TPRG1: variants seen among roughly 807,000 people sequenced by gnomAD.
TPRG1 encodes tumor protein p63-regulated gene 1 protein.
In TPRG1, 29 loss-of-function variants were observed where a neutral mutation model predicts 29.3. The observed-to-expected ratio is 0.99, with a 90% confidence interval of 0.74 to 1.35. The LOEUF (loss-of-function observed/expected upper bound fraction) is 1.35, where lower values mean the gene tolerates loss of function less well. TPRG1 is among the 40% of genes most tolerant of loss of function. The pLI is 0.00. For synonymous variants in TPRG1, 130 were observed against 116.8 expected (o/e 1.11, Z -0.73); for missense variants, 327 against 335.0 (o/e 0.98, Z 0.19).
At chr3:189,195,655 C>T (rs1198764651) in intron 1 of TPRG1, among the ~76,000 whole-genome samples, 2 of 152,200 alleles carry the variant, frequency 1.3e-5, no homozygotes, top group African/African-American at 4.8e-5. Context: ...CCAGTCAGCT[C>T]CCACAGCTGG....
Position 189,102,656 on chromosome 3 carries a change from A to T in TPRG1, c.-744+2452A>T, listed in dbSNP as rs559609552. On this transcript the variant is annotated intron_variant, in intron 1 of 6. Coordinates refer to the TPRG1 transcript ENST00000412373. ...TTTTTATAGCTTTAAGAGATAATTA[A>T]TTTTTTTAAAAAAGAAGGAATCAGA... 2.9e-4 allele frequency among the ~76,000 whole-genome samples: 44 copies of T among 152,256 alleles called. 1 individual carries two copies. The South Asian group carries it at 8.5e-3, about 29-fold the overall frequency.
At chr3:189,131,508 A>G (rs185462089) in intron 2 of TPRG1, among the ~76,000 whole-genome samples, 123 of 152,312 alleles carry the variant, frequency 8.1e-4, no homozygotes, top group African/African-American at 2.7e-3. Flanking sequence ...CATAATAATA[A>G]TTCTTCTCAC....
intron 4 of TPRG1, among the ~76,000 whole-genome samples, chr3:189,078,089 CTCTCTT>C (rs1293911524): frequency 9.0e-6 from 1 of 111,216 alleles, no homozygotes; most frequent in East Asian, 2.9e-4. Flanking sequence ...TTCTCTCTTT[CTCTCTT>C]TCTTTCTTTC....
chr3:189,272,682 C>CCTTTCTTTCTTTCTTTCTCTTT (rs58830987), intron 4 of TPRG1, among the ~76,000 whole-genome samples: 1 of 140,120 alleles, frequency 7.1e-6, no homozygotes, highest in Non-Finnish European at 1.5e-5. Flanking sequence ...TCCTTTCTTT[C>CCTTTCTTTCTTTCTTTCTCTTT]CTTTCTTTCT....
chr3:189,163,458 G>A (rs745788523), intron 5 of TPRG1, among the ~76,000 whole-genome samples: 11 of 152,062 alleles, frequency 7.2e-5, no homozygotes, highest in Non-Finnish European at 4.4e-5. Context: ...ACTCTGACAC[G>A]GGCCAGCTAA....
At chr3:189,192,560 G>A (rs970860858) in intron 1 of TPRG1, among the ~76,000 whole-genome samples, 1 of 152,106 alleles carries the variant, frequency 6.6e-6, no homozygotes, top group African/African-American at 2.4e-5. Flanking sequence ...GAATTAGAAG[G>A]TCTTTATAAT....
intron 4 of TPRG1, among the ~76,000 whole-genome samples, chr3:189,272,740 C>CTTCCTTCCTTCCTTCG (rs1715438386): frequency 7.1e-6 from 1 of 139,976 alleles, no homozygotes; most frequent in East Asian, 2.0e-4. Context: ...TCCTTCCTTC[C>CTTCCTTCCTTCCTTCG]TTCCTTCCTT....
intron 4 of TPRG1, among the ~76,000 whole-genome samples, chr3:189,265,764 G>T (rs761761678): frequency 6.6e-6 from 1 of 152,118 alleles, no homozygotes; most frequent in African/African-American, 2.4e-5. Flanking sequence ...AGCCACCATC[G>T]TGAACTGTGG....
At chr3:189,021,542 G>T (rs1212263405) in intron 3 of TPRG1, among the ~76,000 whole-genome samples, 1 of 152,098 alleles carries the variant, frequency 6.6e-6, no homozygotes, top group Non-Finnish European at 1.5e-5. Flanking sequence ...TTTTCTTTAA[G>T]AATGTTGAAT....
In TPRG1 at chr3:189,238,854, G is replaced by T; in HGVS notation, c.424G>T (p.Ala142Ser). ...CVQLQRIPLS[A>S]VYRICLGKFT... ...GCAGCTGCAGCGGATTCCTCTGAGC[G>T]CTGTCTATCGCATCTGCCTGGGCAA... is the stretch of plus-strand genomic sequence containing the variant. Residue 142 changes from alanine to serine, a missense_variant, in exon 4 of 6, where the codon GCT becomes TCT. Coordinates refer to ENST00000345063, the MANE Select transcript of TPRG1 (RefSeq NM_198485.4). The T allele has an allele frequency of 1.9e-6, 3 of 1,613,560 alleles. No individual in the cohort carries two copies. The highest frequency in any genetic ancestry group is 2.2e-5 in the East Asian group (1 of 44,872).
At chr3:189,276,887 T>G (rs1716244478) in intron 4 of TPRG1, among the ~76,000 whole-genome samples, 1 of 152,156 alleles carries the variant, frequency 6.6e-6, no homozygotes, top group Non-Finnish European at 1.5e-5. Flanking sequence ...CTTTCTTTTT[T>G]TTTTAGTTAG....
At chr3:189,149,133 T>C (rs1166955050) in intron 4 of TPRG1, among the ~76,000 whole-genome samples, 6 of 152,186 alleles carry the variant, frequency 3.9e-5, no homozygotes, top group African/African-American at 9.7e-5. Flanking sequence ...CTCTATCTTA[T>C]TAATAAATTA....
chr3:189,109,919 C>T (rs1256869558), intron 1 of TPRG1, among the ~76,000 whole-genome samples: 1 of 152,118 alleles, frequency 6.6e-6, no homozygotes, highest in African/African-American at 2.4e-5. Flanking sequence ...CTATTAAGCC[C>T]TATGAATCTT....
intron 1 of TPRG1, among the ~76,000 whole-genome samples, chr3:189,195,583 G>T (rs979811722): frequency 1.3e-5 from 2 of 152,148 alleles, no homozygotes; most frequent in African/African-American, 4.8e-5. Context: ...TAGCCGTGTG[G>T]GCCACAGGGG....
At chr3:189,276,498 G>A (rs1280621914) in intron 4 of TPRG1, among the ~76,000 whole-genome samples, 1 of 152,090 alleles carries the variant, frequency 6.6e-6, no homozygotes, top group Non-Finnish European at 1.5e-5. Flanking sequence ...ATTGAGTTGT[G>A]AGCAAAAATT....
chr3:189,201,225 T>C (rs1733431133), intron 1 of TPRG1, among the ~76,000 whole-genome samples: 1 of 152,226 alleles, frequency 6.6e-6, no homozygotes, highest in South Asian at 2.1e-4. Flanking sequence ...CAGTGAAGAT[T>C]GGGATAGATG....
At chr3:189,140,123 G>A (rs1265724212) in intron 3 of TPRG1, among the ~76,000 whole-genome samples, 5 of 152,280 alleles carry the variant, frequency 3.3e-5, no homozygotes, top group Admixed American at 3.3e-4. Flanking sequence ...GAATCATGCT[G>A]GAGGACAAAG....
intron 4 of TPRG1, among the ~76,000 whole-genome samples, chr3:189,062,804 A>T (rs1010254348): frequency 6.6e-6 from 1 of 152,136 alleles, no homozygotes; most frequent in Non-Finnish European, 1.5e-5. Context: ...TCAAAATAGA[A>T]TAATAAGAAA....
chr3:189,173,341 TC>T (rs200473318), intron 1 of TPRG1, among the ~76,000 whole-genome samples: 23,316 of 139,344 alleles, frequency 0.17, 3,626 homozygotes, highest in African/African-American at 0.39. Context: ...CTTTTCTTCT[TC>T]TTTTTTTTTT....
Sources: allele counts gnomAD v4.1 joint callset (sites outside exome capture counted in the v4.1 genomes callset), GRCh38; gene constraint gnomAD v4.1.1; transcripts MANE v1.5; gene names NCBI Gene and HGNC (gene_info 2026-07-23, HGNC 2026-07-21).